BFAR: variants seen among roughly 807,000 people sequenced by gnomAD.
The protein encoded by BFAR is RING finger protein 47.
A neutral mutation model predicts 54.4 loss-of-function variants in BFAR; 52 were observed. The observed-to-expected ratio is 0.96, with a 90% CI of 0.77 to 1.21. The LOEUF is 1.21. Ranked by LOEUF, BFAR falls within the 50% of genes most tolerant of loss-of-function variation. The pLI, the probability that BFAR is intolerant of heterozygous loss-of-function variation, is 0.00. For synonymous variants in BFAR, 215 were observed against 204.3 expected, an observed-to-expected ratio of 1.05 and a Z score of -0.45; for missense variants, 571 against 534.0, an observed-to-expected ratio of 1.07 and a Z score of -0.68.
intron 6 of BFAR, 22 bp from the exon 7 acceptor site, chr16:14,664,847 C>T (rs777540376): frequency 5.9e-5 from 95 of 1,600,062 alleles, no homozygotes; most frequent in Middle Eastern, 1.7e-4. Flanking sequence ...TGACTTTTTG[C>T]GTCTGTGTGT....
chr16:14,637,845 T>A (rs1425890417), intron 1 of BFAR, among the ~76,000 whole-genome samples: 2 of 150,780 alleles, frequency 1.3e-5, no homozygotes, highest in Admixed American at 6.6e-5. Flanking sequence ...AAAAAAAAAG[T>A]CATTTTTTTT....
intron 1 of BFAR, among the ~76,000 whole-genome samples, chr16:14,641,392 A>C (rs1010444570): frequency 3.3e-5 from 5 of 152,144 alleles, no homozygotes; most frequent in Non-Finnish European, 7.4e-5. Context: ...TAGGAGGTGG[A>C]GGCCTTCTCA....
chr16:14,637,328 G>A (rs936259383), intron 1 of BFAR, among the ~76,000 whole-genome samples: 9 of 151,974 alleles, frequency 5.9e-5, no homozygotes, highest in African/African-American at 1.4e-4. Flanking sequence ...GGATAATGGC[G>A]TATTAGGAAG....
At chr16:14,651,446 A>G (rs1419696611) in intron 4 of BFAR, among the ~76,000 whole-genome samples, 2 of 152,196 alleles carry the variant, frequency 1.3e-5, no homozygotes, top group Admixed American at 1.3e-4. Context: ...TCAGCTATCC[A>G]GAAGCTCACT....
intron 4 of BFAR, among the ~76,000 whole-genome samples, chr16:14,651,421 A>G (rs1959963744): frequency 6.6e-6 from 1 of 152,350 alleles, no homozygotes; most frequent in South Asian, 2.1e-4. Context: ...ACTCCCCTCC[A>G]GGAACCTCAC....
rs776674456 is a variant in BFAR at position 14,661,983 on chromosome 16, C to G, written c.875C>G (p.Thr292Ser). 2.5e-6 allele frequency: 4 copies of G among 1,614,186 alleles called. No individual in the cohort carries two copies. The South Asian group carries it at 4.4e-5, about 18-fold the overall frequency. ...SLLYLYLFDY[T>S]DTFLPFIHTI... ...CTCTACCTGTACCTGTTTGACTACACCGACACCTTCCTACCTTTCATCCAC... is the reference window on the plus strand; with the variant it reads ...CTCTACCTGTACCTGTTTGACTACAGCGACACCTTCCTACCTTTCATCCAC... The change falls in exon 6 of 8, where the codon ACC (threonine) becomes AGC (serine). Residue 292 changes from threonine to serine, a missense_variant. Physicochemically the swap from Thr to Ser is moderately conservative, Grantham distance 58 (BLOSUM62 1). Transcript: ENST00000261658.
intron 4 of BFAR, among the ~76,000 whole-genome samples, chr16:14,653,625 C>A (rs574482276): frequency 6.6e-6 from 1 of 152,104 alleles, no homozygotes; most frequent in African/African-American, 2.4e-5. Context: ...CCGCCCCCAG[C>A]CAGAATTTGT....
chr16:14,660,601 TA>T, intron 5 of BFAR, among the ~76,000 whole-genome samples: 1 of 141,160 alleles, frequency 7.1e-6, no homozygotes, highest in Non-Finnish European at 1.5e-5. Flanking sequence ...TTTTTTTTTT[TA>T]AAGAAACGAG....
chr16:14,656,492 GA>G (rs904695833), intron 5 of BFAR, among the ~76,000 whole-genome samples: 108 of 131,418 alleles, frequency 8.2e-4, no homozygotes, highest in East Asian at 3.0e-3. Context: ...CCCTGTTTCA[GA>G]AAAAAAAAAA....
intron 4 of BFAR, among the ~76,000 whole-genome samples, chr16:14,651,612 T>A (rs1178943878): frequency 6.6e-6 from 1 of 152,102 alleles, no homozygotes; most frequent in East Asian, 1.9e-4. Flanking sequence ...CCCAAGTAGC[T>A]GGGACTGCAG....
chr16:14,658,908 A>AT (rs768624095), intron 5 of BFAR, among the ~76,000 whole-genome samples: 2,105 of 144,210 alleles, frequency 0.015, 39 homozygotes, highest in African/African-American at 0.043. Context: ...AGTAATTATG[A>AT]TTTTTTTTTT....
chr16:14,654,006 CTT>C (rs776274046), intron 4 of BFAR, among the ~76,000 whole-genome samples: 31 of 121,480 alleles, frequency 2.6e-4, no homozygotes, highest in South Asian at 7.9e-4. Context: ...CATCTAAGAA[CTT>C]TTTTTTTTTT....
chr16:14,650,246 C>G (rs775967590), intron 4 of BFAR: 4 of 278,116 alleles, frequency 1.4e-5, no homozygotes, highest in Non-Finnish European at 2.7e-5. Flanking sequence ...AGGAGAATCA[C>G]TTGAACCCAA....
At chr16:14,657,403 C>A (rs1049025922) in intron 5 of BFAR, among the ~76,000 whole-genome samples, 1 of 151,792 alleles carries the variant, frequency 6.6e-6, no homozygotes, top group East Asian at 2.0e-4. Context: ...CGCCCACCAC[C>A]GTGCCCGGCT....
At position 14,651,854 on chromosome 16, in the gene BFAR, G is replaced by A. The variant is rs536358910; in HGVS notation, c.638+1881G>A. ...GTGAAAGGAGAGCAGGAGGTCAGAT[G>A]CCTGTACTGAGGCCTGACATGCCCA... is the stretch of plus-strand genomic sequence containing the variant. On this transcript the variant is annotated intron_variant, in intron 4 of 7. Transcript: ENST00000261658. Among the ~76,000 whole-genome samples the A allele has an allele frequency of 4.7e-5, 7 of 149,474 alleles. 1 individual carries two copies. The highest frequency in any genetic ancestry group is 1.5e-4 in the African/African-American group (6 of 40,620).
At chr16:14,640,605 C>T (rs1021138401) in intron 1 of BFAR, among the ~76,000 whole-genome samples, 1 of 152,102 alleles carries the variant, frequency 6.6e-6, no homozygotes, top group Non-Finnish European at 1.5e-5. Flanking sequence ...CCAGGTGTTG[C>T]CCTGGTAGGG....
In BFAR at chr16:14,655,221, TA is replaced by T; in HGVS notation, c.783+13del. On this transcript the variant is annotated intron_variant, in intron 5 of 7. Transcript: ENST00000261658. ...CTCTGGGAATATAAGGTGAACACTT[TA>T]ATTTTTTTTTTTTTTTTTTACTTTT... 6.5e-6 allele frequency: 9 copies of T among 1,385,188 alleles called. No individual in the cohort carries two copies. The highest frequency in any genetic ancestry group is 2.7e-5 in the East Asian group (1 of 36,838). The allele number at this position is 1,385,188 out of a possible 1,614,324, so 85.8% of individuals were successfully genotyped here. A position where few individuals can be genotyped will look rare whatever the true frequency, so the allele number is the denominator to read the frequency against.
At chr16:14,645,357 T>C (rs1959761998) in intron 2 of BFAR, among the ~76,000 whole-genome samples, 1 of 152,210 alleles carries the variant, frequency 6.6e-6, no homozygotes, top group Non-Finnish European at 1.5e-5. Context: ...TATAACTGTA[T>C]AATTGTGAAT....
chr16:14,654,290 A>G (rs1211396307), intron 4 of BFAR, among the ~76,000 whole-genome samples: 1 of 151,586 alleles, frequency 6.6e-6, no homozygotes, highest in Admixed American at 6.6e-5. Flanking sequence ...ACTATTCTTA[A>G]TGTTGTAATG....
Sources: allele counts gnomAD v4.1 joint callset (sites outside exome capture counted in the v4.1 genomes callset), GRCh38; gene constraint gnomAD v4.1.1; transcripts MANE v1.5; gene names NCBI Gene and HGNC (gene_info 2026-07-23, HGNC 2026-07-21).